Variants in ABI3BP observed in about 807,000 individuals in gnomAD.
ABI3BP encodes the protein target of Nesh-SH3.
A neutral mutation model predicts 268.6 loss-of-function variants in ABI3BP; 216 were observed. The observed-to-expected ratio is 0.80, with a 90% CI of 0.72 to 0.90. ABI3BP has a LOEUF of 0.90. ABI3BP is among the 40% of genes least tolerant of loss of function. ABI3BP has a pLI of 0.00. For synonymous variants in ABI3BP, 730 were observed against 730.0 expected (o/e 1.00, Z 0.00); for missense variants, 2,090 against 2,182.4 (o/e 0.96, Z 0.84).
chr3:100,864,738 G>T lies in ABI3BP; in HGVS notation c.1063+95C>A, dbSNP rs1261061286. The T allele has an allele frequency of 2.0e-5, 17 of 855,906 alleles. No homozygotes were observed. In the South Asian group the frequency reaches 2.5e-4, roughly 13 times the overall value. 53.0% of individuals were successfully genotyped at this position (855,906 alleles called of 1,614,324 possible). On this transcript the variant is annotated intron_variant, in intron 11 of 67. Coordinates refer to ENST00000471714, the MANE Select transcript of ABI3BP (RefSeq NM_001375547.2). ...AAAGGAGAAAGTGGGGAGGGAGAGAGAAGTTAAGGCACCAGGTTTCTTTTC... is the reference window on the plus strand; with the variant it reads ...AAAGGAGAAAGTGGGGAGGGAGAGATAAGTTAAGGCACCAGGTTTCTTTTC...
At position 100,830,104 on chromosome 3, in the gene ABI3BP, TACATAC is replaced by T. The variant is rs1186832160; in HGVS notation, c.2459-446_2459-441del. ...GGCTATATACATATACATACATACA[TACATAC>T]ATATATATATATATATATATATATA... is the stretch of plus-strand genomic sequence containing the variant. On this transcript the variant is annotated intron_variant, in intron 32 of 67. Coordinates refer to ENST00000471714, the MANE Select transcript of ABI3BP (RefSeq NM_001375547.2). 7.0e-3 allele frequency among the ~76,000 whole-genome samples: 426 copies of T among 61,046 alleles called. 6 individuals carry two copies. Among genetic ancestry groups the T allele is most frequent in the African/African-American group, 0.031 (405 of 13,038 alleles). The allele number at this position is 61,046 out of a possible 152,430, so 40.0% of individuals were successfully genotyped here. A position where few individuals can be genotyped will look rare whatever the true frequency, so the allele number is the denominator to read the frequency against.
chr3:100,752,263 A>T (rs1220183153), intron 66 of ABI3BP, among the ~76,000 whole-genome samples: 1 of 152,196 alleles, frequency 6.6e-6, no homozygotes, highest in Non-Finnish European at 1.5e-5. Context: ...AATATCTTTT[A>T]TGCTGCTTTG....
At chr3:100,762,608 C>G (rs1193133669) in intron 63 of ABI3BP, among the ~76,000 whole-genome samples, 1 of 152,140 alleles carries the variant, frequency 6.6e-6, no homozygotes, top group Non-Finnish European at 1.5e-5. Flanking sequence ...TCAGAAATCT[C>G]TAATTGAAAT....
rs935550527 is a variant in ABI3BP, at chr3:100,817,487, T to C, written c.3097A>G (p.Thr1033Ala). ...TEAPKTMVVT[T>A]VLEPDTFRTK... is the part of the protein sequence containing the mutation. The stretch of plus-strand genomic sequence containing the variant: ...CTAAAAGTGTCAGGTTCAAGGACTG[T>C]AGTAACAACTAGACAAAAATAATAA... Residue 1033 changes from threonine (T) to alanine (A), a missense_variant, in exon 42 of 68, where the codon ACA becomes GCA. Physicochemically the swap from Thr to Ala is moderately conservative, Grantham distance 58. Transcript: ENST00000471714. The C allele has an allele frequency of 1.8e-5, 27 of 1,490,910 alleles. No homozygotes were observed. The African/African-American group carries it at 3.6e-4, about 20-fold the overall frequency. The allele number at this position is 1,490,910 out of a possible 1,614,324, so 92.4% of individuals were successfully genotyped here. A position where few individuals can be genotyped will look rare whatever the true frequency, so the allele number is the denominator to read the frequency against.
intron 64 of ABI3BP, 43 bp downstream of exon 64, chr3:100,754,569 G>C (rs372394070): frequency 1.3e-6 from 2 of 1,510,992 alleles, no homozygotes; most frequent in East Asian, 2.4e-5. Flanking sequence ...CTCCACTGTG[G>C]CCCTTTTACA....
intron 57 of ABI3BP, among the ~76,000 whole-genome samples, chr3:100,784,452 C>G (rs1227323299): frequency 6.6e-6 from 1 of 152,082 alleles, no homozygotes; most frequent in Non-Finnish European, 1.5e-5. Context: ...AGTACAACCT[C>G]TACAGAAAAG....
chr3:100,904,737 C>T (rs2052411089), intron 2 of ABI3BP, among the ~76,000 whole-genome samples: 1 of 152,124 alleles, frequency 6.6e-6, no homozygotes, highest in Non-Finnish European at 1.5e-5. Context: ...GTTACAATGG[C>T]AATCATTAAA....
intron 48 of ABI3BP, among the ~76,000 whole-genome samples, chr3:100,810,856 A>G (rs7609779): frequency 0.33 from 50,391 of 152,002 alleles, 10,757 homozygotes; most frequent in African/African-American, 0.61. Flanking sequence ...CTGTGATGGG[A>G]TAAGTGTTAA....
intron 1 of ABI3BP, among the ~76,000 whole-genome samples, chr3:100,963,509 G>A (rs2079945358): frequency 1.3e-5 from 2 of 152,118 alleles, no homozygotes; most frequent in Admixed American, 1.3e-4. Flanking sequence ...TACTACGATA[G>A]ACTCTACACT....
At chr3:100,872,966 G>A (rs1429912147) in intron 9 of ABI3BP, among the ~76,000 whole-genome samples, 1 of 152,084 alleles carries the variant, frequency 6.6e-6, no homozygotes, top group Non-Finnish European at 1.5e-5. Flanking sequence ...ACCTTACTAA[G>A]ATGTTGAACC....
At chr3:100,803,573 TAA>T (rs1235259180) in intron 51 of ABI3BP, among the ~76,000 whole-genome samples, 1 of 117,880 alleles carries the variant, frequency 8.5e-6, no homozygotes, top group Admixed American at 8.1e-5. Flanking sequence ...TATTAAATAT[TAA>T]AAGAGGAAAA....
intron 62 of ABI3BP, among the ~76,000 whole-genome samples, chr3:100,767,895 G>A (rs1016050806): frequency 6.6e-6 from 1 of 152,088 alleles, no homozygotes; most frequent in African/African-American, 2.4e-5. Flanking sequence ...AGGTTCACGT[G>A]CTGCTAAATC....
At chr3:100,816,607 G>T in intron 43 of ABI3BP, 81 bp downstream of exon 43, 1 of 1,087,780 alleles carries the variant, frequency 9.2e-7, no homozygotes, top group Non-Finnish European at 1.4e-6. Context: ...CCCGTCATAG[G>T]CATTTCTTTA....
intron 14 of ABI3BP, among the ~76,000 whole-genome samples, chr3:100,854,367 A>G (rs751673984): frequency 7.2e-5 from 11 of 152,042 alleles, no homozygotes; most frequent in Non-Finnish European, 1.2e-4. Context: ...CAACAACAAC[A>G]ACAAAAAGAG....
At chr3:100,812,374 G>T in intron 46 of ABI3BP, 93 bp downstream of exon 46, 1 of 845,598 alleles carries the variant, frequency 1.2e-6, no homozygotes, top group Non-Finnish European at 1.6e-6. Flanking sequence ...AAGTGGCTAT[G>T]AAATGTCACA....
chr3:100,801,750 G>GA (rs2097542906), intron 51 of ABI3BP, among the ~76,000 whole-genome samples: 1 of 151,952 alleles, frequency 6.6e-6, no homozygotes, highest in African/African-American at 2.4e-5. Context: ...AGAAGCTTTA[G>GA]GAAAAAATGG....
chr3:100,911,679 T>C (rs372014114), intron 2 of ABI3BP: 4 of 750,706 alleles, frequency 5.3e-6, no homozygotes, highest in East Asian at 2.4e-5. Context: ...TTCAGAAATA[T>C]CCAGATTGGC....
chr3:100,873,621 G>A (rs1258935431), intron 9 of ABI3BP, among the ~76,000 whole-genome samples: 1 of 152,056 alleles, frequency 6.6e-6, no homozygotes, highest in East Asian at 1.9e-4. Flanking sequence ...TATGTTTCAC[G>A]GTGTTTTCTT....
At chr3:100,754,950 A>G (rs2149326726) in intron 63 of ABI3BP, among the ~76,000 whole-genome samples, 1 of 152,342 alleles carries the variant, frequency 6.6e-6, no homozygotes, top group African/African-American at 2.4e-5. Context: ...AATTAGTACA[A>G]ATGACTTGGC....
Sources: allele counts gnomAD v4.1 joint callset (sites outside exome capture counted in the v4.1 genomes callset), GRCh38; gene constraint gnomAD v4.1.1; transcripts MANE v1.5; gene names NCBI Gene and HGNC (gene_info 2026-07-23, HGNC 2026-07-21).